SKAP1: variants seen among roughly 807,000 people sequenced by gnomAD.
SKAP1 encodes src kinase-associated phosphoprotein 1.
In SKAP1, 44 loss-of-function variants were observed where a neutral mutation model predicts 58.5. The ratio of observed to expected loss-of-function variants is 0.75; its 90% CI spans 0.59 to 0.97. The LOEUF (loss-of-function observed/expected upper bound fraction) is 0.97, where lower values mean the gene tolerates loss of function less well. SKAP1 is among the 50% of genes least tolerant of loss of function. The probability of loss-of-function intolerance (pLI) is 0.00; values close to 1 mark genes in which losing one functional copy is unlikely to be tolerated. For synonymous variants in SKAP1, 127 were observed against 149.7 expected (o/e 0.85, Z 1.11); for missense variants, 390 against 435.2 (o/e 0.90, Z 0.92).
intron 11 of SKAP1, among the ~76,000 whole-genome samples, chr17:48,152,570 C>T (rs1398367072): frequency 6.6e-6 from 1 of 152,130 alleles, no homozygotes; most frequent in Non-Finnish European, 1.5e-5. Flanking sequence ...GAGGGAATGT[C>T]ACAGTTAAAG....
chr17:48,406,561 AATTT>A (rs147731753), intron 1 of SKAP1, among the ~76,000 whole-genome samples: 1 of 146,402 alleles, frequency 6.8e-6, no homozygotes, highest in Admixed American at 6.8e-5. Flanking sequence ...ATGTCTCCCT[AATTT>A]ATTTATTTAT....
At chr17:48,339,073 A>C (rs895442522) in intron 4 of SKAP1, among the ~76,000 whole-genome samples, 19 of 152,218 alleles carry the variant, frequency 1.2e-4, no homozygotes, top group Non-Finnish European at 2.6e-4. Flanking sequence ...CAGGTTCATG[A>C]AAGTGTGTGT....
chr17:48,248,482 G>A (rs553493019), intron 4 of SKAP1, among the ~76,000 whole-genome samples: 46 of 152,226 alleles, frequency 3.0e-4, no homozygotes, highest in Admixed American at 1.6e-3. Context: ...CAGAAGAATC[G>A]CGCGAACCCA....
chr17:48,172,540 C>T (rs912748878), intron 9 of SKAP1, among the ~76,000 whole-genome samples: 1 of 152,152 alleles, frequency 6.6e-6, no homozygotes, highest in African/African-American at 2.4e-5. Flanking sequence ...ATGCTCTTTT[C>T]CCACTCTCTC....
chr17:48,184,575 G>T, intron 7 of SKAP1, 148 bp downstream of exon 7: 1 of 972,384 alleles, frequency 1.0e-6, no homozygotes, highest in East Asian at 2.4e-5. Flanking sequence ...CAAATATGAG[G>T]ACATGCCAAG....
chr17:48,163,059 G>C (rs991317648), intron 10 of SKAP1, among the ~76,000 whole-genome samples: 7 of 152,104 alleles, frequency 4.6e-5, no homozygotes, highest in Non-Finnish European at 8.8e-5. Context: ...TTGTCCATAG[G>C]AACTTTGTCC....
chr17:48,288,635 G>A (rs755330041), intron 4 of SKAP1, among the ~76,000 whole-genome samples: 6 of 152,142 alleles, frequency 3.9e-5, no homozygotes, highest in Non-Finnish European at 5.9e-5. Flanking sequence ...GCAGTGAGCC[G>A]AGACTGAGCC....
chr17:48,346,002 T>TC lies in SKAP1; in HGVS notation c.182dup (p.Asp62ArgfsTer8). ...CATCAGAGCTGTCCTGTCCAATGTC[T>TC]CCCCCTGAGGGACAAAAAAGACAGA... On this transcript the variant is annotated frameshift_variant, in exon 4 of 13. Coordinates refer to ENST00000336915, the MANE Select transcript of SKAP1 (RefSeq NM_003726.4). LOFTEE classifies it high-confidence loss of function. 2 of 1,591,470 alleles carry TC rather than the reference T, an allele frequency of 1.3e-6. No individual in the cohort carries two copies.
chr17:48,324,951 C>T (rs2066414114), intron 4 of SKAP1, among the ~76,000 whole-genome samples: 1 of 151,912 alleles, frequency 6.6e-6, no homozygotes, highest in African/African-American at 2.4e-5. Flanking sequence ...TCTTTTAAGA[C>T]ATAATTAAAT....
intron 12 of SKAP1, among the ~76,000 whole-genome samples, chr17:48,135,209 G>C (rs534489801): frequency 2.0e-4 from 30 of 152,306 alleles, no homozygotes; most frequent in African/African-American, 7.0e-4. Context: ...GCACACTAGA[G>C]TGGGCTCTGG....
At chr17:48,339,042 C>T (rs899523658) in intron 4 of SKAP1, among the ~76,000 whole-genome samples, 1 of 152,200 alleles carries the variant, frequency 6.6e-6, no homozygotes, top group Non-Finnish European at 1.5e-5. Flanking sequence ...AAAGCCAACA[C>T]AAACTTGTTT....
chr17:48,210,330 C>T (rs760040298), intron 4 of SKAP1, among the ~76,000 whole-genome samples: 7 of 152,064 alleles, frequency 4.6e-5, no homozygotes, highest in Non-Finnish European at 1.0e-4. Flanking sequence ...CCCAGATATA[C>T]TGATTCAGGA....
chr17:48,166,621 C>A (rs1433845964), intron 10 of SKAP1, among the ~76,000 whole-genome samples: 1 of 152,278 alleles, frequency 6.6e-6, no homozygotes, highest in East Asian at 1.9e-4. Flanking sequence ...ATGTTATTTA[C>A]ATTTTCTTGA....
chr17:48,419,046 T>C (rs2144604928), intron 1 of SKAP1, among the ~76,000 whole-genome samples: 1 of 151,052 alleles, frequency 6.6e-6, no homozygotes, highest in Non-Finnish European at 1.5e-5. Flanking sequence ...ATGTAAGTCA[T>C]ACCTAAAGTG....
chr17:48,376,381 G>A (rs1305374274), intron 2 of SKAP1, among the ~76,000 whole-genome samples: 1 of 152,134 alleles, frequency 6.6e-6, no homozygotes, highest in Non-Finnish European at 1.5e-5. Flanking sequence ...ACACTGTGGG[G>A]CCACCACAGT....
chr17:48,172,590 T>C (rs2064231761), intron 9 of SKAP1, among the ~76,000 whole-genome samples: 1 of 152,168 alleles, frequency 6.6e-6, no homozygotes, highest in South Asian at 2.1e-4. Flanking sequence ...GTAGATAGGG[T>C]ATAGTAAGCA....
intron 3 of SKAP1, among the ~76,000 whole-genome samples, chr17:48,354,894 A>G (rs2066855312): frequency 2.0e-5 from 3 of 152,328 alleles, no homozygotes; most frequent in African/African-American, 4.8e-5. Context: ...ATTCAAATGG[A>G]CTACACTTTT....
intron 1 of SKAP1, among the ~76,000 whole-genome samples, chr17:48,400,747 C>T (rs895015636): frequency 1.3e-5 from 2 of 148,994 alleles, no homozygotes; most frequent in Non-Finnish European, 3.0e-5. Context: ...GACCTTATCT[C>T]AAAAATAAAA....
At chr17:48,436,229 G>T in the SKAP1 span, among the ~76,000 whole-genome samples, 1 of 152,086 alleles carries the variant, frequency 6.6e-6, no homozygotes, top group South Asian at 2.1e-4. Context: ...ATGCCACCAT[G>T]CCAGGCTAAT....
Sources: gnomAD v4.1 joint callset for allele counts (sites outside exome capture counted in the v4.1 genomes callset) on GRCh38, gnomAD v4.1.1 for gene constraint, MANE v1.5 for transcripts, NCBI Gene and HGNC (gene_info 2026-07-23, HGNC 2026-07-21) for gene names.